TSHZ2: variants seen among roughly 807,000 people sequenced by gnomAD.
TSHZ2 encodes teashirt zinc finger homeobox 2, also known as teashirt homolog 2.
In TSHZ2, 21 loss-of-function variants were observed where a neutral mutation model predicts 74.4. The ratio of observed to expected loss-of-function variants is 0.28; its 90% CI spans 0.20 to 0.41. The LOEUF (loss-of-function observed/expected upper bound fraction) is 0.41, where lower values mean the gene tolerates loss of function less well. Among genes scored for constraint, TSHZ2 ranks in the 10% least tolerant of loss-of-function variants. The pLI, the probability that TSHZ2 is intolerant of heterozygous loss-of-function variation, is 1.00. For synonymous variants in TSHZ2, 540 were observed against 515.3 expected, an observed-to-expected ratio of 1.05 and a Z score of -0.65; for missense variants, 1,244 against 1,293.5, an observed-to-expected ratio of 0.96 and a Z score of 0.59.
At position 53,473,417 on chromosome 20, in the gene TSHZ2, G is replaced by C. The variant is rs1034838427; in HGVS notation, c.*9-13727G>C. On this transcript the variant is annotated intron_variant, in intron 2 of 2. Transcript: ENST00000371497. ...GGCACACTGACACCTCACACGGCAG[G>C]GTATTCCAACAGACCTGTGGCTGAG... is the stretch of plus-strand genomic sequence containing the variant. Among the ~76,000 whole-genome samples the C allele has an allele frequency of 4.0e-4, 56 of 140,672 alleles. 9 individuals carry two copies. The highest frequency in any genetic ancestry group is 6.6e-4 in the Non-Finnish European group (43 of 65,246). 92.3% of individuals were successfully genotyped at this position (140,672 alleles called of 152,430 possible).
chr20:53,229,990 GA>G (rs1476048211), intron 1 of TSHZ2, among the ~76,000 whole-genome samples: 1 of 138,038 alleles, frequency 7.2e-6, no homozygotes, highest in Non-Finnish European at 1.5e-5. Context: ...AAAGAAAGAG[GA>G]AGGAAGACAG....
At chr20:53,408,740 C>T (rs529321509) in intron 2 of TSHZ2, among the ~76,000 whole-genome samples, 17 of 152,296 alleles carry the variant, frequency 1.1e-4, no homozygotes, top group African/African-American at 3.8e-4. Flanking sequence ...CACTTTGATC[C>T]GAATGGAACC....
At chr20:53,433,902 T>C (rs1490775278) in intron 2 of TSHZ2, among the ~76,000 whole-genome samples, 1 of 152,152 alleles carries the variant, frequency 6.6e-6, no homozygotes, top group Non-Finnish European at 1.5e-5. Context: ...GGGATCTCAC[T>C]CTGTTGCCCA....
chr20:53,059,059 T>A (rs1238347960), intron 1 of TSHZ2, among the ~76,000 whole-genome samples: 1 of 152,224 alleles, frequency 6.6e-6, no homozygotes, highest in African/African-American at 2.4e-5. Flanking sequence ...GGAAATGTAC[T>A]AAACATTTTT....
At chr20:53,304,403 G>A (rs1180849844) in intron 2 of TSHZ2, among the ~76,000 whole-genome samples, 3 of 151,838 alleles carry the variant, frequency 2.0e-5, no homozygotes, top group Non-Finnish European at 4.4e-5. Flanking sequence ...GTACTGTGGG[G>A]TAATTCAAAA....
chr20:53,409,060 A>G (rs1600616072), intron 2 of TSHZ2, among the ~76,000 whole-genome samples: 1 of 152,312 alleles, frequency 6.6e-6, no homozygotes, highest in East Asian at 1.9e-4. Context: ...CTTACAACAA[A>G]TAAAACATTT....
rs538346691 is a variant in TSHZ2 at position 53,144,162 on chromosome 20, A to T, written c.41-109337A>T. On this transcript the variant is annotated intron_variant, in intron 1 of 2. Transcript: ENST00000371497. ...ACTGATCTTAGGTTTTACAATAGTG[A>T]TGTTATCCTGAGGAGCAAATTGGGA... Among the ~76,000 whole-genome samples the T allele has an allele frequency of 8.5e-5, 13 of 152,278 alleles. No individual in the cohort carries two copies. The South Asian group carries it at 2.7e-3, about 32-fold the overall frequency.
intron 1 of TSHZ2, among the ~76,000 whole-genome samples, chr20:53,080,670 C>T (rs1411028962): frequency 6.6e-6 from 1 of 152,158 alleles, no homozygotes; most frequent in Non-Finnish European, 1.5e-5. Context: ...AATCGAATGC[C>T]CCTGCTGACA....
At chr20:53,354,012 G>T (rs1260059716) in intron 2 of TSHZ2, among the ~76,000 whole-genome samples, 1 of 152,170 alleles carries the variant, frequency 6.6e-6, no homozygotes, top group Admixed American at 6.5e-5. Flanking sequence ...GAAGACCAGG[G>T]ACTGACTGAC....
intron 2 of TSHZ2, among the ~76,000 whole-genome samples, chr20:53,258,210 A>C (rs527972572): frequency 6.6e-6 from 1 of 152,330 alleles, no homozygotes; most frequent in South Asian, 2.1e-4. Flanking sequence ...ATTCTTTCCA[A>C]GCATGATTTG....
chr20:53,313,002 C>T (rs1186860037), intron 2 of TSHZ2, among the ~76,000 whole-genome samples: 1 of 152,210 alleles, frequency 6.6e-6, no homozygotes, highest in Non-Finnish European at 1.5e-5. Flanking sequence ...TCATTTTTAT[C>T]TGCACATATT....
intron 2 of TSHZ2, among the ~76,000 whole-genome samples, chr20:53,429,314 G>A (rs1983757737): frequency 6.6e-6 from 1 of 152,158 alleles, no homozygotes; most frequent in Admixed American, 6.5e-5. Context: ...TTCCTTACCA[G>A]AGAAATAGAG....
intron 2 of TSHZ2, among the ~76,000 whole-genome samples, chr20:53,436,548 A>AT (rs11411794): frequency 0.021 from 2,125 of 99,870 alleles, 52 homozygotes; most frequent in African/African-American, 0.047. Flanking sequence ...TATTATTATT[A>AT]TTTTTTTTTT....
chr20:53,427,724 C>T (rs1431666409), intron 2 of TSHZ2, among the ~76,000 whole-genome samples: 1 of 152,122 alleles, frequency 6.6e-6, no homozygotes, highest in African/African-American at 2.4e-5. Context: ...GGTCACCTCC[C>T]GGGAATGTTT....
At position 53,255,577 on chromosome 20, in the gene TSHZ2, GGCAAAGCCACGGA is replaced by G; in HGVS notation, c.2122_2134del (p.Lys708ProfsTer31). The G allele has an allele frequency of 6.3e-7, 1 of 1,581,736 alleles. No homozygotes were observed. Among genetic ancestry groups the G allele is most frequent in the Admixed American group, 1.8e-5 (1 of 55,648 alleles). On this transcript the variant is annotated frameshift_variant, in exon 2 of 3. Coordinates refer to ENST00000371497, the MANE Select transcript of TSHZ2 (RefSeq NM_173485.6). LOFTEE classifies it high-confidence loss of function. This position sits in a 1 kb window ranked among gnomAD's most constrained non-coding sequence, Gnocchi z 4.1. ...GCAGTCCGTCCTGAACAATCACTTG[GGCAAAGCCACGGA>G]GCCCTTGCGCTCACCTTCCTGCTCC...
intron 1 of TSHZ2, among the ~76,000 whole-genome samples, chr20:53,134,950 A>T (rs1273197537): frequency 6.7e-6 from 1 of 148,842 alleles, no homozygotes; most frequent in Admixed American, 6.7e-5. Flanking sequence ...TCTCCAGGCC[A>T]TCTCTCCCCT....
intron 1 of TSHZ2, among the ~76,000 whole-genome samples, chr20:53,048,409 TC>T (rs1392010614): frequency 6.6e-6 from 1 of 152,156 alleles, no homozygotes; most frequent in Non-Finnish European, 1.5e-5. Context: ...GGGAAGGCAT[TC>T]CCCTCTCATC....
At chr20:53,406,662 G>A (rs1426361537) in intron 2 of TSHZ2, among the ~76,000 whole-genome samples, 1 of 152,192 alleles carries the variant, frequency 6.6e-6, no homozygotes, top group Non-Finnish European at 1.5e-5. Flanking sequence ...ATTGTTTTAA[G>A]CTTTGAGAAT....
intron 2 of TSHZ2, among the ~76,000 whole-genome samples, chr20:53,485,560 T>A (rs1986269084): frequency 6.6e-6 from 1 of 151,992 alleles, no homozygotes; most frequent in South Asian, 2.1e-4. Flanking sequence ...AATACAAAAA[T>A]TAGCTGGGCA....
Sources: gnomAD v4.1 joint callset for allele counts (sites outside exome capture counted in the v4.1 genomes callset) on GRCh38, gnomAD v4.1.1 for gene constraint, Gnocchi (gnomAD v3.1) non-coding constraint, MANE v1.5 for transcripts, NCBI Gene and HGNC (gene_info 2026-07-23, HGNC 2026-07-21) for gene names.